Variants in PAX3 observed in about 807,000 individuals in gnomAD.
PAX3 encodes the protein paired box 3, also known as paired box protein Pax-3.
Under a neutral mutation model 51.6 loss-of-function variants are expected in PAX3, and 14 were observed. The observed-to-expected ratio is 0.27, with a 90% confidence interval of 0.18 to 0.42. PAX3 has a LOEUF of 0.42. Ranked by LOEUF, PAX3 falls within the 10% of genes least tolerant of loss-of-function variation. The probability of loss-of-function intolerance (pLI) is 1.00; values close to 1 mark genes in which losing one functional copy is unlikely to be tolerated. For missense variants in PAX3, 540 were observed against 642.8 expected, an observed-to-expected ratio of 0.84 and a Z score of 1.73; for synonymous variants, 280 against 253.4, an observed-to-expected ratio of 1.11 and a Z score of -1.00.
intron 5 of PAX3, among the ~76,000 whole-genome samples, chr2:222,223,053 A>G (rs889686362): frequency 6.6e-6 from 1 of 152,206 alleles, no homozygotes; most frequent in African/African-American, 2.4e-5. Flanking sequence ...GAGCAATGTT[A>G]ACAATTTTGC....
chr2:222,213,860 C>G (rs779527577), intron 7 of PAX3, among the ~76,000 whole-genome samples: 2 of 152,156 alleles, frequency 1.3e-5, no homozygotes, highest in Non-Finnish European at 2.9e-5. Flanking sequence ...CTTCTGGATG[C>G]GTACCCAAAA....
At chr2:222,285,722 C>T (rs1416754442) in intron 4 of PAX3, among the ~76,000 whole-genome samples, 1 of 152,186 alleles carries the variant, frequency 6.6e-6, no homozygotes, top group Non-Finnish European at 1.5e-5. Flanking sequence ...AGACCAAATA[C>T]ATTTAATTCT....
At chr2:222,209,001 C>T (rs1691615965) in intron 7 of PAX3, among the ~76,000 whole-genome samples, 1 of 152,092 alleles carries the variant, frequency 6.6e-6, no homozygotes, top group Non-Finnish European at 1.5e-5. Flanking sequence ...TTGAGACTCA[C>T]AAATCACTTA....
chr2:222,287,301 C>T (rs968424762), intron 4 of PAX3: 1 of 152,196 alleles, frequency 6.6e-6, no homozygotes. Flanking sequence ...ATTTATAACA[C>T]CTTTTATTCA....
At chr2:222,249,545 T>C (rs1054514852) in intron 4 of PAX3, among the ~76,000 whole-genome samples, 1 of 152,212 alleles carries the variant, frequency 6.6e-6, no homozygotes, top group Non-Finnish European at 1.5e-5. Context: ...GTGTTAGAAG[T>C]AGGTCCATGT....
intron 7 of PAX3, among the ~76,000 whole-genome samples, chr2:222,218,554 C>A (rs1692057917): frequency 6.6e-6 from 1 of 152,110 alleles, no homozygotes; most frequent in African/African-American, 2.4e-5. Flanking sequence ...CTACAGCCCC[C>A]AAAACTACAA....
Position 222,238,997 on chromosome 2 carries a change from G to T in PAX3, c.587-6714C>A, listed in dbSNP as rs567941581. ...TTCTGATCTGAAGTAGCCCTTTTAC[G>T]CTGAGAAAGATGTGAATGACCTCTC... is the stretch of plus-strand genomic sequence containing the variant. On this transcript the variant is annotated intron_variant, in intron 4 of 8. Coordinates refer to ENST00000392070, the MANE Select transcript of PAX3 (RefSeq NM_181458.4). Among the ~76,000 whole-genome samples the T allele has an allele frequency of 7.9e-5, 12 of 152,310 alleles. No homozygotes were observed. In the South Asian group the frequency reaches 1.2e-3, roughly 16 times the overall value.
At chr2:222,288,487 A>G (rs1480551268) in intron 4 of PAX3, among the ~76,000 whole-genome samples, 1 of 152,250 alleles carries the variant, frequency 6.6e-6, no homozygotes, top group Admixed American at 6.5e-5. Context: ...AGATGTAGTC[A>G]ATATAACACT....
At chr2:222,206,844 C>A (rs1336823278) in intron 7 of PAX3, among the ~76,000 whole-genome samples, 1 of 152,110 alleles carries the variant, frequency 6.6e-6, no homozygotes, top group Non-Finnish European at 1.5e-5. Flanking sequence ...TGAAGCTTAT[C>A]AGAAATCTAA....
rs114728467 is a variant in PAX3, at chr2:222,278,910, G to T, written c.586+15257C>A. Reference sequence around the variant, plus strand: ...ATACTTTCCATTTAACCAGTTAAAGGCTTAACCAGTTGAGTTTCTTTTGTT... The same window carrying T: ...ATACTTTCCATTTAACCAGTTAAAGTCTTAACCAGTTGAGTTTCTTTTGTT... On this transcript the variant is annotated intron_variant, in intron 4 of 8. Transcript: ENST00000392070. Among the ~76,000 whole-genome samples, 138 of 152,276 alleles carry T rather than the reference G, an allele frequency of 9.1e-4. 1 individual carries two copies. Among genetic ancestry groups the T allele is most frequent in the Middle Eastern group, 6.8e-3 (2 of 294 alleles).
intron 4 of PAX3, among the ~76,000 whole-genome samples, chr2:222,237,164 C>T (rs1466196504): frequency 1.3e-5 from 2 of 152,024 alleles, no homozygotes; most frequent in Non-Finnish European, 2.9e-5. Flanking sequence ...GATACTTATC[C>T]CACTGTACAG....
chr2:222,201,613 TC>T, intron 8 of PAX3, 171 bp from the exon 9 acceptor site: 7 of 1,284,802 alleles, frequency 5.4e-6, no homozygotes, highest in Non-Finnish European at 7.6e-6. Context: ...CCTGGGATTA[TC>T]CCCCATATGA....
At chr2:222,201,609 A>T in intron 8 of PAX3, 167 bp from the exon 9 acceptor site, 1 of 1,282,332 alleles carries the variant, frequency 7.8e-7, no homozygotes, top group Non-Finnish European at 1.1e-6. Context: ...TGTCCCTGGG[A>T]TTATCCCCCA....
chr2:222,298,483 C>G (rs892607230), intron 1 of PAX3, 48 bp downstream of exon 1: 2 of 1,479,168 alleles, frequency 1.4e-6, no homozygotes, highest in East Asian at 2.4e-5. Context: ...GTGAGGCAGC[C>G]GGTCCCAGGC....
chr2:222,205,919 T>G (rs917488352), intron 7 of PAX3, among the ~76,000 whole-genome samples: 16 of 152,206 alleles, frequency 1.1e-4, no homozygotes, highest in Non-Finnish European at 2.2e-4. Context: ...ATGAACTTCT[T>G]TGAACTTATC....
Position 222,295,617 on chromosome 2 carries a change from T to A in PAX3, c.362A>T (p.Tyr121Phe), listed in dbSNP as rs769852829. The A allele has an allele frequency of 3.1e-6, 5 of 1,614,118 alleles. No homozygotes were observed. In the Admixed American group the frequency reaches 8.3e-5, roughly 27 times the overall value. ...GAACATGCCCGGGTTCTCTCTTTTG[T>A]ATTCCTCAATTTTCTTCTCCACGTC... ...TPDVEKKIEE[Y>F]KRENPGMFSW... is the part of the protein sequence containing the mutation. Residue 121 changes from tyrosine to phenylalanine, a missense_variant, in exon 3 of 9, where the codon TAC becomes TTC. Physicochemically the swap from Tyr to Phe is conservative, Grantham distance 22. This residue lies in a region of PAX3 where 427 missense variants were observed against 483.6 expected (regional missense o/e 0.88). Transcript: ENST00000392070.
At chr2:222,266,720 T>C (rs776650081) in intron 4 of PAX3, among the ~76,000 whole-genome samples, 3 of 152,192 alleles carry the variant, frequency 2.0e-5, no homozygotes, top group Non-Finnish European at 2.9e-5. Flanking sequence ...GCCTGTCAGA[T>C]CCAAGAAGAA....
chr2:222,229,242 T>C (rs1213865248), intron 5 of PAX3, among the ~76,000 whole-genome samples: 6 of 150,184 alleles, frequency 4.0e-5, no homozygotes, highest in African/African-American at 1.5e-4. Context: ...TATCATAACA[T>C]TGATATAGTA....
intron 4 of PAX3, among the ~76,000 whole-genome samples, chr2:222,282,005 G>A (rs12613417): frequency 0.12 from 17,760 of 152,152 alleles, 1,177 homozygotes; most frequent in East Asian, 0.25. Flanking sequence ...TTCCGGGCCT[G>A]GCAGCAAGAA....
Sources: gnomAD v4.1 joint callset for allele counts (sites outside exome capture counted in the v4.1 genomes callset) on GRCh38, gnomAD v4.1.1 for gene constraint, gnomAD v4.1.1 regional missense constraint, MANE v1.5 for transcripts, NCBI Gene and HGNC (gene_info 2026-07-23, HGNC 2026-07-21) for gene names.